Variants in ATP8A2 observed in about 807,000 individuals in gnomAD.
ATP8A2 encodes ATPase phospholipid transporting 8A2, also known as phospholipid-transporting ATPase IB.
Under a neutral mutation model 165.6 loss-of-function variants are expected in ATP8A2, and 100 were observed. That is an observed-to-expected ratio of 0.60 (90% CI 0.51 to 0.71). The LOEUF (loss-of-function observed/expected upper bound fraction) is 0.71. ATP8A2 is among the 30% of genes least tolerant of loss of function. ATP8A2 has a pLI of 0.00. For missense variants in ATP8A2, 1,227 were observed against 1,479.5 expected (o/e 0.83, Z 2.80); for synonymous variants, 543 against 548.8 (o/e 0.99, Z 0.15).
At chr13:25,689,099 G>A (rs73154511) in intron 24 of ATP8A2, among the ~76,000 whole-genome samples, 11,431 of 152,250 alleles carry the variant, frequency 0.075, 528 homozygotes, top group Non-Finnish European at 0.11. Context: ...TCAAAATATT[G>A]AAGTTTTAAG....
intron 24 of ATP8A2, among the ~76,000 whole-genome samples, chr13:25,616,326 C>CTTTTTTTTTT (rs535891442): frequency 1.8e-4 from 19 of 106,736 alleles, no homozygotes; most frequent in Non-Finnish European, 3.0e-4. Flanking sequence ...TTCTTTCTTT[C>CTTTTTTTTTT]TTTTTTTTTT....
chr13:25,551,269 T>A (rs1414597517), intron 10 of ATP8A2, 69 bp from the exon 11 acceptor site: 18 of 1,443,622 alleles, frequency 1.2e-5, no homozygotes, highest in Non-Finnish European at 1.7e-5. Context: ...TTGTTTTACC[T>A]CCTTTCCCCC....
intron 1 of ATP8A2, among the ~76,000 whole-genome samples, chr13:25,382,431 G>A (rs892525769): frequency 1.3e-5 from 2 of 152,146 alleles, no homozygotes; most frequent in African/African-American, 2.4e-5. Context: ...AAGTTTTCAC[G>A]TCTTTTGGGA....
chr13:25,690,870 G>A (rs182385873), intron 24 of ATP8A2, among the ~76,000 whole-genome samples: 2 of 152,110 alleles, frequency 1.3e-5, no homozygotes, highest in East Asian at 1.9e-4. Context: ...TAATATAAAC[G>A]TAAGTCTACA....
intron 2 of ATP8A2, among the ~76,000 whole-genome samples, chr13:25,501,677 T>G (rs1175297436): frequency 6.6e-6 from 1 of 152,236 alleles, no homozygotes; most frequent in Non-Finnish European, 1.5e-5. Context: ...GGAAGTCTTC[T>G]GTTATTTATA....
At chr13:25,378,370 C>A (rs1162401279) in intron 1 of ATP8A2, among the ~76,000 whole-genome samples, 3 of 148,138 alleles carry the variant, frequency 2.0e-5, no homozygotes, top group Non-Finnish European at 4.5e-5. Flanking sequence ...TTTTTGTAAT[C>A]ATTAGTTTAT....
At position 25,868,703 on chromosome 13, in the gene ATP8A2, G is replaced by C. The variant is rs142710412; in HGVS notation, c.3183+6295G>C. Among the ~76,000 whole-genome samples the C allele has an allele frequency of 3.4e-3, 514 of 152,178 alleles. 1 individual carries two copies. Among genetic ancestry groups the C allele is most frequent in the Middle Eastern group, 0.014 (4 of 294 alleles). ...TTCTGCTGCACCTATGACTGTTGTC[G>C]CCTGCACCCCAGGGTCCCCCATCCG... On this transcript the variant is annotated intron_variant, in intron 33 of 36. Coordinates refer to ENST00000381655, the MANE Select transcript of ATP8A2 (RefSeq NM_016529.6).
intron 23 of ATP8A2, among the ~76,000 whole-genome samples, chr13:25,587,225 T>C (rs1361088812): frequency 6.6e-6 from 1 of 152,230 alleles, no homozygotes; most frequent in Non-Finnish European, 1.5e-5. Flanking sequence ...CTACATTAGT[T>C]AAGCCACAAT....
At chr13:25,495,235 G>T (rs183805486) in intron 2 of ATP8A2, among the ~76,000 whole-genome samples, 400 of 152,304 alleles carry the variant, frequency 2.6e-3, no homozygotes, top group African/African-American at 9.5e-3. Context: ...GGAAAGGCCA[G>T]AGTGTGCCAT....
At chr13:25,504,467 G>A (rs1393422294) in intron 2 of ATP8A2, among the ~76,000 whole-genome samples, 2 of 142,636 alleles carry the variant, frequency 1.4e-5, no homozygotes, top group East Asian at 2.0e-4. Context: ...GCGGCCGGGC[G>A]CGGTGGCTCA....
intron 1 of ATP8A2, among the ~76,000 whole-genome samples, chr13:25,466,433 C>T (rs934368073): frequency 6.6e-6 from 1 of 152,168 alleles, no homozygotes; most frequent in Non-Finnish European, 1.5e-5. Context: ...CCACCACCTG[C>T]CCTCCCAGCA....
intron 1 of ATP8A2, among the ~76,000 whole-genome samples, chr13:25,421,947 T>G (rs1289019216): frequency 6.6e-6 from 1 of 152,170 alleles, no homozygotes; most frequent in Non-Finnish European, 1.5e-5. Context: ...TCATCAGCAT[T>G]TTTCCATATC....
chr13:25,847,862 C>T (rs1033761271), intron 30 of ATP8A2, among the ~76,000 whole-genome samples: 1 of 152,160 alleles, frequency 6.6e-6, no homozygotes, highest in Non-Finnish European at 1.5e-5. Context: ...CCCACACCCC[C>T]AGCCACCTCC....
rs572112783 is a variant in ATP8A2, at chr13:25,769,863, C to T, written c.2568+634C>T. 1.2e-4 allele frequency among the ~76,000 whole-genome samples: 18 copies of T among 152,284 alleles called. No individual in the cohort carries two copies. In the South Asian group the frequency reaches 3.1e-3, roughly 26 times the overall value. ...AAGTTCAGTCCAGCGGAGGCTGATC[C>T]GAGCCTCGCATGCCAGGGCTCCTGA... On this transcript the variant is annotated intron_variant, in intron 26 of 36. Transcript: ENST00000381655.
At chr13:25,447,739 C>T (rs2035109240) in intron 1 of ATP8A2, among the ~76,000 whole-genome samples, 1 of 152,132 alleles carries the variant, frequency 6.6e-6, no homozygotes, top group African/African-American at 2.4e-5. Flanking sequence ...GGGTCCTTGT[C>T]CAGTGTCCAG....
At chr13:25,667,747 A>G (rs1206520229) in intron 24 of ATP8A2, among the ~76,000 whole-genome samples, 1 of 151,966 alleles carries the variant, frequency 6.6e-6, no homozygotes, top group Non-Finnish European at 1.5e-5. Flanking sequence ...TTCACTTAAC[A>G]TCTAATACTG....
chr13:25,683,774 G>A (rs1250150375), intron 24 of ATP8A2, among the ~76,000 whole-genome samples: 2 of 151,750 alleles, frequency 1.3e-5, no homozygotes, highest in African/African-American at 4.8e-5. Context: ...TTAGCCTACA[G>A]TGGTGTCTTG....
In ATP8A2 at chr13:25,830,380, A is replaced by G. The variant is rs1344197763; in HGVS notation, c.2754+2188A>G. On this transcript the variant is annotated intron_variant, in intron 28 of 36. Transcript: ENST00000381655. The stretch of plus-strand genomic sequence containing the variant: ...GCAGTTTTTCTGTCCCCTAAACTAT[A>G]CAGAGAGTACACTGTGATAGAAAAG... Among the ~76,000 whole-genome samples, 3 of 152,084 alleles carry G rather than the reference A, an allele frequency of 2.0e-5. No individual in the cohort carries two copies. The South Asian group carries it at 6.2e-4, about 32-fold the overall frequency.
At chr13:25,633,366 A>G (rs9507538) in intron 24 of ATP8A2, among the ~76,000 whole-genome samples, 150,569 of 152,204 alleles carry the variant, frequency 0.99, 74,489 homozygotes, top group East Asian at 1. Context: ...GACTTCAAGG[A>G]CAGATAATAC....
Sources: allele counts gnomAD v4.1 joint callset (sites outside exome capture counted in the v4.1 genomes callset), GRCh38; gene constraint gnomAD v4.1.1; transcripts MANE v1.5; gene names NCBI Gene and HGNC (gene_info 2026-07-23, HGNC 2026-07-21).